The following SNRPN variants were observed in gnomAD, a reference collection of about 807,000 sequenced individuals.
SNRPN encodes small nuclear ribonucleoprotein-associated protein N.
Under a neutral mutation model 25.2 loss-of-function variants are expected in SNRPN, and 7 were observed. The ratio of observed to expected loss-of-function variants is 0.28; its 90% CI spans 0.16 to 0.52. The LOEUF (loss-of-function observed/expected upper bound fraction) is 0.52, where lower values mean the gene tolerates loss of function less well. Among genes scored for constraint, SNRPN ranks in the 20% least tolerant of loss-of-function variants. SNRPN has a pLI of 0.96. For synonymous variants in SNRPN, 124 were observed against 110.6 expected, an observed-to-expected ratio of 1.12 and a Z score of -0.76; for missense variants, 196 against 322.5, an observed-to-expected ratio of 0.61 and a Z score of 3.00.
intron 2 of SNRPN, among the ~76,000 whole-genome samples, chr15:24,913,369 A>G (rs1014917139): frequency 6.6e-6 from 1 of 151,104 alleles, no homozygotes; most frequent in Admixed American, 6.6e-5. Context: ...AGGGCTGGGC[A>G]TAGTGGCTCA....
intron 2 of SNRPN, among the ~76,000 whole-genome samples, chr15:24,839,545 G>A (rs1465716870): frequency 6.6e-6 from 1 of 152,048 alleles, no homozygotes; most frequent in Non-Finnish European, 1.5e-5. Flanking sequence ...GTCAGCAACG[G>A]CCCACACATT....
intron 1 of SNRPN, among the ~76,000 whole-genome samples, chr15:24,868,784 T>C (rs1025521417): frequency 6.6e-6 from 1 of 152,182 alleles, no homozygotes; most frequent in Non-Finnish European, 1.5e-5. Flanking sequence ...GAGATATGCA[T>C]TAATTTAGAC....
intron 2 of SNRPN, among the ~76,000 whole-genome samples, chr15:24,893,743 A>G (rs1037072529): frequency 2.0e-5 from 3 of 152,120 alleles, no homozygotes; most frequent in Admixed American, 1.3e-4. Context: ...ACCAAAATCC[A>G]TAGATTCTTT....
upstream of SNRPN, among the ~76,000 whole-genome samples, chr15:24,954,337 T>C (rs897920779): frequency 6.6e-6 from 1 of 152,232 alleles, no homozygotes; most frequent in African/African-American, 2.4e-5. Context: ...TCTAAGTTCA[T>C]ATTTTTGTTT....
At position 24,887,193 on chromosome 15, in the gene SNRPN, A is replaced by G. The variant is rs912626619; in HGVS notation, c.-505+604A>G. Among the ~76,000 whole-genome samples the G allele has an allele frequency of 4.3e-3, 613 of 144,118 alleles. 8 individuals are homozygous for G. Among genetic ancestry groups the G allele is most frequent in the African/African-American group, 0.015 (587 of 38,292 alleles). 94.5% of individuals were successfully genotyped at this position (144,118 alleles called of 152,430 possible). A position where few individuals can be genotyped will look rare whatever the true frequency, so the allele number is the denominator to read the frequency against. On this transcript the variant is annotated intron_variant, in intron 2 of 11. Transcript: ENST00000400097. ...GACGGAGTCTTGCTCTGTTGCCCAG[A>G]CTGGAGTGCAGTGGCATGATCTCAG...
chr15:24,886,227 C>T (rs536253115), intron 1 of SNRPN, among the ~76,000 whole-genome samples: 1 of 152,278 alleles, frequency 6.6e-6, no homozygotes, highest in South Asian at 2.1e-4. Context: ...AAGTGATCAT[C>T]CCAGCTTGTC....
chr15:24,837,750 A>G (rs976054805), intron 2 of SNRPN, among the ~76,000 whole-genome samples: 19 of 148,768 alleles, frequency 1.3e-4, no homozygotes, highest in African/African-American at 4.7e-4. Flanking sequence ...TTTGAGTTGG[A>G]GTCTCACTCT....
At chr15:24,848,225 C>CGGCGGCGGGGGCGGG (rs2052393197) in intron 2 of SNRPN, 1 of 33,236 alleles carries the variant, frequency 3.0e-5, no homozygotes, top group Non-Finnish European at 5.9e-5. Context: ...GGGGCGGGGG[C>CGGCGGCGGGGGCGGG]GGCGGTGGGG....
At chr15:24,927,106 C>T (rs1428426116) in intron 3 of SNRPN, among the ~76,000 whole-genome samples, 1 of 151,922 alleles carries the variant, frequency 6.6e-6, no homozygotes, top group African/African-American at 2.4e-5. Context: ...CCTTCCCTCC[C>T]TCTTTCATTT....
intron 1 of SNRPN, among the ~76,000 whole-genome samples, chr15:24,882,187 G>GT (rs1369022360): frequency 3.3e-5 from 5 of 151,856 alleles, no homozygotes; most frequent in Non-Finnish European, 7.4e-5. Context: ...TCATTTGTTT[G>GT]TTTTTTCCAG....
intron 1 of SNRPN, among the ~76,000 whole-genome samples, chr15:24,958,323 C>T (rs2063248890): frequency 2.6e-5 from 4 of 151,298 alleles, no homozygotes; most frequent in Admixed American, 2.0e-4. Context: ...TGAGTACTGC[C>T]CTCAATTACT....
At chr15:24,967,857 T>A in intron 2 of SNRPN, 75 bp from the exon 3 acceptor site, 3 of 1,080,464 alleles carry the variant, frequency 2.8e-6, no homozygotes, top group Non-Finnish European at 4.3e-6. Context: ...TAAGGGTACC[T>A]AGTTTTCTTT....
In SNRPN at chr15:24,899,621, G is replaced by C. The variant is rs181123309; in HGVS notation, c.-505+13032G>C. ...CAACGCATGACAGTCAGCAGCACTAGTGGTCAGCCACTTCCTATATCCCCT... is the reference window on the plus strand; with the variant it reads ...CAACGCATGACAGTCAGCAGCACTACTGGTCAGCCACTTCCTATATCCCCT... On this transcript the variant is annotated intron_variant, in intron 2 of 11. Coordinates refer to the SNRPN transcript ENST00000400097. Among the ~76,000 whole-genome samples, 6 of 152,328 alleles carry C rather than the reference G, an allele frequency of 3.9e-5. No homozygotes were observed. In the East Asian group the frequency reaches 1.2e-3, roughly 29 times the overall value.
intron 2 of SNRPN, among the ~76,000 whole-genome samples, chr15:24,837,427 G>T (rs1016711688): frequency 6.6e-6 from 1 of 151,342 alleles, no homozygotes; most frequent in Non-Finnish European, 1.5e-5. Context: ...GAGTGCAGTG[G>T]CTGCGATCTT....
chr15:24,865,095 G>T, intron 1 of SNRPN, among the ~76,000 whole-genome samples: 1 of 148,618 alleles, frequency 6.7e-6, no homozygotes, highest in Admixed American at 6.7e-5. Context: ...CCCCCAGGCT[G>T]GAGTGCCATG....
chr15:24,922,521 A>G (rs2060091275), intron 3 of SNRPN, among the ~76,000 whole-genome samples: 1 of 152,222 alleles, frequency 6.6e-6, no homozygotes, highest in South Asian at 2.1e-4. Flanking sequence ...ACTCGTGGGT[A>G]TCCCTTCTGA....
chr15:24,898,651 A>G (rs1187897948), intron 2 of SNRPN, among the ~76,000 whole-genome samples: 1 of 152,200 alleles, frequency 6.6e-6, no homozygotes, highest in Non-Finnish European at 1.5e-5. Context: ...GCGTATGACA[A>G]AAGAAGCTCA....
chr15:24,935,842 G>A (rs1566930400), intron 3 of SNRPN, among the ~76,000 whole-genome samples: 2 of 152,186 alleles, frequency 1.3e-5, no homozygotes, highest in African/African-American at 2.4e-5. Flanking sequence ...TCATGGGCTG[G>A]GTGCGGTGGC....
chr15:24,869,491 C>T (rs1213714343), intron 1 of SNRPN, among the ~76,000 whole-genome samples: 1 of 152,078 alleles, frequency 6.6e-6, no homozygotes, highest in East Asian at 1.9e-4. Context: ...TTAGAAATCC[C>T]ATCTCATTAG....
Sources: allele counts gnomAD v4.1 joint callset (sites outside exome capture counted in the v4.1 genomes callset), GRCh38; gene constraint gnomAD v4.1.1; transcripts MANE v1.5; gene names NCBI Gene and HGNC (gene_info 2026-07-23, HGNC 2026-07-21).